Variants in CENPH observed in about 807,000 individuals in gnomAD.
CENPH encodes the protein CENP-H.
A neutral mutation model predicts 42.9 loss-of-function variants in CENPH; 40 were observed. That is an observed-to-expected ratio of 0.93 (90% CI 0.72 to 1.21). The LOEUF is 1.21. Among genes scored for constraint, CENPH ranks in the 50% most tolerant of loss-of-function variants. The pLI is 0.00. For synonymous variants in CENPH, 88 were observed against 96.5 expected (o/e 0.91, Z 0.52); for missense variants, 302 against 292.9 (o/e 1.03, Z -0.23).
At chr5:69,193,147 G>A (rs992802717) in intron 2 of CENPH, among the ~76,000 whole-genome samples, 2 of 149,928 alleles carry the variant, frequency 1.3e-5, no homozygotes, top group African/African-American at 4.9e-5. Flanking sequence ...ACACATATAC[G>A]TATATGTATA....
chr5:69,207,935 A>T (rs1024758014), intron 7 of CENPH: 1 of 216,542 alleles, frequency 4.6e-6, no homozygotes, highest in Admixed American at 5.8e-5. Flanking sequence ...CACTTGAAAC[A>T]TCTGTAGACA....
intron 5 of CENPH, among the ~76,000 whole-genome samples, chr5:69,200,832 G>A (rs1412295802): frequency 2.2e-5 from 3 of 133,824 alleles, no homozygotes; most frequent in African/African-American, 8.6e-5. Flanking sequence ...TCTGCCTCCA[G>A]GTTCAAGCGA....
At chr5:69,202,027 T>A (rs1580227912) in intron 5 of CENPH, among the ~76,000 whole-genome samples, 1 of 152,112 alleles carries the variant, frequency 6.6e-6, no homozygotes, top group Non-Finnish European at 1.5e-5. Context: ...AGGGGTAGGG[T>A]GTATATGAGA....
chr5:69,204,348 A>G (rs537233122), intron 7 of CENPH, among the ~76,000 whole-genome samples: 12 of 136,254 alleles, frequency 8.8e-5, no homozygotes, highest in Non-Finnish European at 1.3e-4. Context: ...TGGCGTGATC[A>G]TAGTTCTTTG....
chr5:69,190,836 G>A (rs773053766), intron 1 of CENPH, among the ~76,000 whole-genome samples: 1 of 151,956 alleles, frequency 6.6e-6, no homozygotes, highest in Admixed American at 6.6e-5. Flanking sequence ...GTTGCAGTGA[G>A]CAGAAGATTG....
chr5:69,198,527 T>C (rs1373814218), intron 5 of CENPH, among the ~76,000 whole-genome samples: 1 of 152,162 alleles, frequency 6.6e-6, no homozygotes, highest in Non-Finnish European at 1.5e-5. Context: ...CACTTCTATC[T>C]TGAGTATCTT....
At chr5:69,192,942 C>A (rs1222186795) in intron 2 of CENPH, among the ~76,000 whole-genome samples, 1 of 151,720 alleles carries the variant, frequency 6.6e-6, no homozygotes, top group East Asian at 1.9e-4. Flanking sequence ...ACTAAAAATA[C>A]AAAATTAGCT....
At chr5:69,207,990 C>A (rs1748188477) in intron 7 of CENPH, 2 of 330,558 alleles carry the variant, frequency 6.1e-6, no homozygotes, top group South Asian at 1.1e-4. Flanking sequence ...TCACTAAGGG[C>A]ATTGCTAAGT....
intron 5 of CENPH, 155 bp downstream of exon 5, chr5:69,197,264 A>G (rs914468199): frequency 1.8e-5 from 8 of 451,758 alleles, no homozygotes; most frequent in African/African-American, 4.1e-5. Flanking sequence ...AATTACAGCA[A>G]CTTTTATAGT....
intron 7 of CENPH, among the ~76,000 whole-genome samples, chr5:69,207,478 C>T (rs559406683): frequency 2.7e-4 from 40 of 150,126 alleles, no homozygotes; most frequent in Non-Finnish European, 4.9e-4. Context: ...TGTGAGCCAC[C>T]GTGCCTGGCC....
intron 7 of CENPH, among the ~76,000 whole-genome samples, chr5:69,207,355 A>AT (rs1748176367): frequency 1.3e-5 from 2 of 151,672 alleles, no homozygotes; most frequent in African/African-American, 2.4e-5. Flanking sequence ...TGCCCAGCTA[A>AT]TTTTTGTATT....
At chr5:69,193,211 A>G (rs1747908012) in intron 2 of CENPH, among the ~76,000 whole-genome samples, 1 of 151,900 alleles carries the variant, frequency 6.6e-6, no homozygotes, top group African/African-American at 2.4e-5. Flanking sequence ...ATGTATATGT[A>G]TATATATGTG....
At chr5:69,207,191 C>CTT (rs796282210) in intron 7 of CENPH, among the ~76,000 whole-genome samples, 1 of 146,040 alleles carries the variant, frequency 6.8e-6, no homozygotes. Flanking sequence ...GGGAATCTTA[C>CTT]TTTTTTTTTT....
chr5:69,208,395 T>A, intron 8 of CENPH, 36 bp downstream of exon 8: 3 of 1,429,812 alleles, frequency 2.1e-6, no homozygotes, highest in Non-Finnish European at 2.9e-6. Context: ...GTTTTAATCT[T>A]GTTGCCCAGG....
intron 6 of CENPH, 48 bp downstream of exon 6, chr5:69,202,617 C>T (rs977360675): frequency 1.7e-5 from 18 of 1,051,116 alleles, no homozygotes; most frequent in Non-Finnish European, 2.5e-5. Context: ...ATTTTACTCT[C>T]AACTTCTTGC....
rs1282355836 is a variant in CENPH, at chr5:69,209,843, A to C, written c.*44A>C. The C allele has an allele frequency of 4.5e-6, 5 of 1,114,350 alleles. No individual in the cohort carries two copies. The African/African-American group carries it at 4.6e-5, about 10-fold the overall frequency. 69.0% of individuals were successfully genotyped at this position (1,114,350 alleles called of 1,614,324 possible). On this transcript the variant is annotated 3_prime_UTR_variant, in exon 9 of 9. Transcript: ENST00000283006. ...ATATTTTACATTTCTGGCAATCTCAACTCTTATTTGGAATACTTCTGTGCA... is the reference window on the plus strand; with the variant it reads ...ATATTTTACATTTCTGGCAATCTCACCTCTTATTTGGAATACTTCTGTGCA...
chr5:69,194,720 T>G, intron 3 of CENPH, 25 bp downstream of exon 3: 1 of 1,401,904 alleles, frequency 7.1e-7, no homozygotes, highest in Non-Finnish European at 9.9e-7. Context: ...AAAATTTTGT[T>G]TATGGTCTTT....
At chr5:69,206,440 C>T (rs571765163) in intron 7 of CENPH, among the ~76,000 whole-genome samples, 5 of 151,960 alleles carry the variant, frequency 3.3e-5, no homozygotes, top group Non-Finnish European at 7.4e-5. Context: ...CTCGGCCTCC[C>T]AAAGTGCTGG....
At chr5:69,192,963 G>A (rs144188553) in intron 2 of CENPH, among the ~76,000 whole-genome samples, 3 of 140,754 alleles carry the variant, frequency 2.1e-5, no homozygotes, top group South Asian at 4.7e-4. Context: ...GGGCGTGGTG[G>A]TGCATGCCTA....
Sources: gnomAD v4.1 joint callset for allele counts (sites outside exome capture counted in the v4.1 genomes callset) on GRCh38, gnomAD v4.1.1 for gene constraint, MANE v1.5 for transcripts, NCBI Gene and HGNC (gene_info 2026-07-23, HGNC 2026-07-21) for gene names.